TRIT1: variants seen among roughly 807,000 people sequenced by gnomAD.
TRIT1 encodes tRNA dimethylallyltransferase.
TRIT1 carries 43 observed loss-of-function variants against 51.2 expected under a neutral mutation model. The observed-to-expected ratio is 0.84, with a 90% CI of 0.66 to 1.08. The LOEUF (loss-of-function observed/expected upper bound fraction) is 1.08. Among genes scored for constraint, TRIT1 ranks in the 50% least tolerant of loss-of-function variants. TRIT1 has a pLI of 0.00. For missense variants in TRIT1, 528 were observed against 578.4 expected, an observed-to-expected ratio of 0.91 and a Z score of 0.89; for synonymous variants, 184 against 203.9, an observed-to-expected ratio of 0.90 and a Z score of 0.83.
intron 1 of TRIT1, among the ~76,000 whole-genome samples, chr1:39,865,910 A>G (rs535524688): frequency 6.6e-6 from 1 of 151,206 alleles, no homozygotes; most frequent in South Asian, 2.1e-4. Flanking sequence ...AGAAAAAGAA[A>G]GGAAGGAAGG....
chr1:39,869,373 G>A (rs1233355465), intron 1 of TRIT1, among the ~76,000 whole-genome samples: 9 of 152,352 alleles, frequency 5.9e-5, no homozygotes, highest in Non-Finnish European at 1.5e-5. Context: ...CCGAGGTGCC[G>A]GGATTGCAGA....
chr1:39,867,723 C>T (rs1643631154), intron 1 of TRIT1, among the ~76,000 whole-genome samples: 2 of 152,164 alleles, frequency 1.3e-5, no homozygotes, highest in South Asian at 4.1e-4. Context: ...TTCGAGAATA[C>T]TCAGGCTCCC....
At chr1:39,854,400 G>T (rs566266759) in intron 2 of TRIT1, among the ~76,000 whole-genome samples, 38 of 152,326 alleles carry the variant, frequency 2.5e-4, no homozygotes, top group African/African-American at 8.7e-4. Context: ...ACAGAACCAA[G>T]TGTCAGCTGC....
chr1:39,854,392 A>G (rs1180728316), intron 2 of TRIT1, among the ~76,000 whole-genome samples: 1 of 152,248 alleles, frequency 6.6e-6, no homozygotes, highest in Non-Finnish European at 1.5e-5. Context: ...GGACTCTCAC[A>G]GAACCAAGTG....
At chr1:39,866,806 CA>C (rs201529375) in intron 1 of TRIT1, among the ~76,000 whole-genome samples, 1 of 151,334 alleles carries the variant, frequency 6.6e-6, no homozygotes. Context: ...CCCATGTCTA[CA>C]AAAAAAACAA....
At chr1:39,861,651 C>T (rs530089680) in intron 1 of TRIT1, among the ~76,000 whole-genome samples, 10 of 152,188 alleles carry the variant, frequency 6.6e-5, no homozygotes, top group Middle Eastern at 3.4e-3. Flanking sequence ...GTTGGCCGGG[C>T]GGTGGGTCGT....
chr1:39,865,685 A>G (rs72666956), intron 1 of TRIT1, among the ~76,000 whole-genome samples: 7,955 of 148,250 alleles, frequency 0.054, 265 homozygotes, highest in East Asian at 0.083. Context: ...AAAAAAAAAA[A>G]AAAAAGAAAA....
intron 1 of TRIT1, among the ~76,000 whole-genome samples, chr1:39,872,024 C>T (rs1219856653): frequency 1.3e-5 from 2 of 151,308 alleles, no homozygotes; most frequent in East Asian, 3.9e-4. Flanking sequence ...CTGCTTGAGC[C>T]AGGAGAAATT....
At chr1:39,880,268 TAAAAA>T (rs1553148795) in intron 1 of TRIT1, among the ~76,000 whole-genome samples, 1 of 94,890 alleles carries the variant, frequency 1.1e-5, no homozygotes, top group Admixed American at 1.2e-4. Flanking sequence ...AGACCTCAAA[TAAAAA>T]AAAAAAAAAA....
rs750082003 is a variant in TRIT1, at chr1:39,844,541, CTT to C, written c.1104_1105del (p.Ser369PhefsTer18). 6.2e-7 allele frequency: 1 copy of C among 1,613,340 alleles called. No individual in the cohort carries two copies. The highest frequency in any genetic ancestry group is 1.1e-5 in the South Asian group (1 of 91,072). On this transcript the variant is annotated frameshift_variant, in exon 9 of 11. Transcript: ENST00000316891. LOFTEE classifies it high-confidence loss of function. ...ATGATTCATAATTACCTGGATGAAA[CTT>C]TGCACGATTTCAAGAGCAGGTTCAA...
Position 39,883,433 on chromosome 1 carries a change from T to C in TRIT1, c.59A>G (p.Gln20Arg). The C allele has an allele frequency of 6.2e-7, 1 of 1,613,312 alleles. No individual in the cohort carries two copies. Among genetic ancestry groups the C allele is most frequent in the Non-Finnish European group, 8.5e-7 (1 of 1,179,514 alleles). The change falls in exon 1 of 11, where the codon CAA becomes CGA. Residue 20 changes from glutamine (Q) to arginine (R), a missense_variant. Gln to Arg is a conservative substitution (Grantham distance 43). Around this residue, in one of 3 missense-constraint regions of TRIT1, gnomAD observed 55 missense variants for 37.0 expected, o/e 1.49. Transcript: ENST00000316891. ...VPVGSGLRGL[Q>R]RTLPLVVILG... ...AATCACTACAAGAGGTAGGGTCCGT[T>C]GCAGGCCCCTGAGCCCACTGCCCAC...
chr1:39,857,534 C>T (rs1642971672), intron 1 of TRIT1, 117 bp from the exon 2 acceptor site: 1 of 1,161,786 alleles, frequency 8.6e-7, no homozygotes, highest in Admixed American at 2.3e-5. Context: ...TGACCCAAAG[C>T]ACCAGGGTAG....
rs761422981 is a variant in TRIT1 at position 39,841,864 on chromosome 1, T to A, written c.1284A>T (p.Arg428Ser). Residue 428 changes from arginine to serine, a missense_variant, in exon 11 of 11, where the codon AGA becomes AGT. By Grantham distance (110) the Arg-to-Ser change is moderately radical. Transcript: ENST00000316891. ...SHLNQLKKRRRLDSDAVNTIE... is the reference protein window; with the variant it reads ...SHLNQLKKRRSLDSDAVNTIE... ...TGGTGTTGACAGCATCTGAGTCCAA[T>A]CTTCTTCTTTTCTTCAGTTGGTTCA... is the stretch of plus-strand genomic sequence containing the variant. The A allele has an allele frequency of 1.9e-5, 30 of 1,614,126 alleles. No homozygotes were observed. Among genetic ancestry groups the A allele is most frequent in the Non-Finnish European group, 2.3e-5 (27 of 1,179,972 alleles).
At chr1:39,844,789 A>G (rs1642132389) in intron 8 of TRIT1, 149 bp from the exon 9 acceptor site, 6 of 610,190 alleles carry the variant, frequency 9.8e-6, no homozygotes, top group Middle Eastern at 3.3e-4. Context: ...CATGAACCAC[A>G]ATCCAAGAAA....
chr1:39,880,832 T>C (rs1644238631), intron 1 of TRIT1, among the ~76,000 whole-genome samples: 1 of 136,292 alleles, frequency 7.3e-6, no homozygotes, highest in African/African-American at 2.9e-5. Context: ...GATAGAAACA[T>C]TTCTTTGGTA....
At position 39,883,407 on chromosome 1, in the gene TRIT1, G is replaced by T; in HGVS notation, c.85C>A (p.Leu29Ile). Reference protein sequence around the residue: ...LQRTLPLVVILGATGTGKSTL... With the variant: ...LQRTLPLVVIIGATGTGKSTL... Reference sequence around the variant, plus strand: ...GATTTGCCGGTGCCCGTGGCCCCGAGAATCACTACAAGAGGTAGGGTCCGT... The same window carrying T: ...GATTTGCCGGTGCCCGTGGCCCCGATAATCACTACAAGAGGTAGGGTCCGT... Residue 29 changes from leucine (L) to isoleucine (I), a missense_variant, in exon 1 of 11, where the codon CTC becomes ATC. Leu to Ile is a conservative substitution (Grantham distance 5, BLOSUM62 2). Coordinates refer to ENST00000316891, the MANE Select transcript of TRIT1 (RefSeq NM_017646.6). 7.4e-6 allele frequency: 12 copies of T among 1,613,892 alleles called. No individual in the cohort carries two copies. Among genetic ancestry groups the T allele is most frequent in the Non-Finnish European group, 1.0e-5 (12 of 1,179,976 alleles).
rs116918156 is a variant in TRIT1 at position 39,878,368 on chromosome 1, A to C, written c.174+4950T>G. 7.7e-4 allele frequency among the ~76,000 whole-genome samples: 118 copies of C among 152,362 alleles called. 1 individual carries two copies. The East Asian group carries it at 0.021, about 27-fold the overall frequency. On this transcript the variant is annotated intron_variant, in intron 1 of 10. Transcript: ENST00000316891. ...ACTTATTCAATGTTTACAAAAACAA[A>C]TACTTTCTCTGGATAGGAACTGCCC... is the stretch of plus-strand genomic sequence containing the variant.
At chr1:39,881,920 C>T (rs1043544117) in intron 1 of TRIT1, among the ~76,000 whole-genome samples, 3 of 152,180 alleles carry the variant, frequency 2.0e-5, no homozygotes, top group Admixed American at 2.0e-4. Context: ...GTTTTATGTT[C>T]AGCTGGACTA....
chr1:39,853,913 A>G (rs1205515130), intron 3 of TRIT1, 57 bp downstream of exon 3: 1 of 1,206,010 alleles, frequency 8.3e-7, no homozygotes, highest in African/African-American at 1.5e-5. Context: ...CACTGAAATT[A>G]GACAGCAAGA....
Sources: allele counts gnomAD v4.1 joint callset (sites outside exome capture counted in the v4.1 genomes callset), GRCh38; gene constraint gnomAD v4.1.1; regional missense constraint gnomAD v4.1.1; transcripts MANE v1.5; gene names NCBI Gene and HGNC (gene_info 2026-07-23, HGNC 2026-07-21).